SEPSECS: variants seen among roughly 807,000 people sequenced by gnomAD.
SEPSECS encodes O-phosphoseryl-tRNA(Sec) selenium transferase.
SEPSECS carries 42 observed loss-of-function variants against 52.1 expected under a neutral mutation model. The observed-to-expected ratio is 0.81, with a 90% CI of 0.63 to 1.04. The LOEUF is 1.04. SEPSECS is among the 50% of genes least tolerant of loss of function. The probability of loss-of-function intolerance (pLI) is 0.00; values close to 1 mark genes in which losing one functional copy is unlikely to be tolerated. For synonymous variants in SEPSECS, 216 were observed against 211.4 expected (o/e 1.02, Z -0.19); for missense variants, 590 against 610.6 (o/e 0.97, Z 0.36).
intron 8 of SEPSECS, among the ~76,000 whole-genome samples, chr4:25,144,068 T>G (rs1043277420): frequency 2.6e-5 from 4 of 151,928 alleles, no homozygotes; most frequent in Admixed American, 2.6e-4. Flanking sequence ...AGGCCAGGCG[T>G]GGTGGGTAAC....
At chr4:25,127,793 C>T (rs1192101880) in intron 8 of SEPSECS, among the ~76,000 whole-genome samples, 1 of 152,202 alleles carries the variant, frequency 6.6e-6, no homozygotes, top group Non-Finnish European at 1.5e-5. Context: ...CCCCTGATGA[C>T]TTCCTCCAGT....
chr4:25,133,552 T>G (rs540422470), intron 8 of SEPSECS, among the ~76,000 whole-genome samples: 32 of 152,164 alleles, frequency 2.1e-4, no homozygotes, highest in African/African-American at 7.0e-4. Context: ...CTACAAGTAG[T>G]CAAAAATCTT....
chr4:25,134,637 TCA>T (rs1264860226), intron 8 of SEPSECS, among the ~76,000 whole-genome samples: 6 of 152,148 alleles, frequency 3.9e-5, no homozygotes, highest in Non-Finnish European at 5.9e-5. Flanking sequence ...ACTCAAACTC[TCA>T]GTTTAATTTG....
In SEPSECS at chr4:25,156,963, C is replaced by T; in HGVS notation, c.281G>A (p.Gly94Asp). The change falls in exon 3 of 11, where the codon GGC becomes GAC. Residue 94 changes from glycine (G) to aspartate (D), a missense_variant. Transcript: ENST00000382103. Reference sequence around the variant, plus strand: ...AGAAATATCACCGGATCGTCCAATGCCATGAATGAACCTAAGCAAAAAATG... The same window carrying T: ...AGAAATATCACCGGATCGTCCAATGTCATGAATGAACCTAAGCAAAAAATG... The part of the protein sequence containing the change: ...VARRHYRFIH[G>D]IGRSGDISAV... 1 of 1,606,648 alleles carries T rather than the reference C, an allele frequency of 6.2e-7. No homozygotes were observed. The highest frequency in any genetic ancestry group is 8.5e-7 in the Non-Finnish European group (1 of 1,173,340).
In SEPSECS at chr4:25,122,063, T is replaced by C. The variant is rs765240402; in HGVS notation, c.*1868A>G. The C allele has an allele frequency of 6.6e-6, 1 of 152,142 alleles. No homozygotes were observed. The highest frequency in any genetic ancestry group is 1.5e-5 in the Non-Finnish European group (1 of 67,988). 9.4% of individuals were successfully genotyped at this position (152,142 alleles called of 1,614,324 possible). On this transcript the variant is annotated 3_prime_UTR_variant, in exon 11 of 11. Coordinates refer to ENST00000382103, the MANE Select transcript of SEPSECS (RefSeq NM_016955.4). ...GGTTGCAACTCTTCAGCTTTATTGG[T>C]TCAGCAATTTAGTCCCAAATTCTCA... is the stretch of plus-strand genomic sequence containing the variant.
At position 25,123,200 on chromosome 4, in the gene SEPSECS, T is replaced by A. The variant is rs936848406; in HGVS notation, c.*731A>T. 1 of 152,274 alleles carries A rather than the reference T, an allele frequency of 6.6e-6. No homozygotes were observed. Among genetic ancestry groups the A allele is most frequent in the African/African-American group, 2.4e-5 (1 of 41,466 alleles). The allele number at this position is 152,274 out of a possible 1,614,324, so 9.4% of individuals were successfully genotyped here. A position where few individuals can be genotyped will look rare whatever the true frequency, so the allele number is the denominator to read the frequency against. On this transcript the variant is annotated 3_prime_UTR_variant, in exon 11 of 11. Transcript: ENST00000382103. ...GAAAGTTGCTATGGTAAACTTCTCT[T>A]TACTCAAGGAGTTTATCTACTTTAG... is the stretch of plus-strand genomic sequence containing the variant.
At chr4:25,131,443 T>C (rs6824406) in intron 8 of SEPSECS, among the ~76,000 whole-genome samples, 149,754 of 152,340 alleles carry the variant, frequency 0.98, 73,609 homozygotes, top group Admixed American at 0.99. Context: ...TAGGTAAATA[T>C]TGAAGCAGAC....
At chr4:25,156,784 TAAATG>T in intron 3 of SEPSECS, 67 bp downstream of exon 3, 1 of 545,758 alleles carries the variant, frequency 1.8e-6, no homozygotes, top group Middle Eastern at 3.3e-4. Context: ...GGGGCAATAA[TAAATG>T]AAATGAGTCA....
chr4:25,138,972 T>C (rs1231772889), intron 8 of SEPSECS, among the ~76,000 whole-genome samples: 2 of 152,222 alleles, frequency 1.3e-5, no homozygotes, highest in Non-Finnish European at 2.9e-5. Context: ...CACCCTTTCA[T>C]AGTTCCACAG....
In SEPSECS at chr4:25,120,838, C is replaced by T. The variant is rs371492244; in HGVS notation, c.*3093G>A. ...GAAATATAACTCTCAGGATGAACTACTAATTCAATATTAAAGTAACATCAG... is the reference window on the plus strand; with the variant it reads ...GAAATATAACTCTCAGGATGAACTATTAATTCAATATTAAAGTAACATCAG... On this transcript the variant is annotated 3_prime_UTR_variant, in exon 11 of 11. Transcript: ENST00000382103. 6.6e-6 allele frequency: 1 copy of T among 152,036 alleles called. No individual in the cohort carries two copies. Among genetic ancestry groups the T allele is most frequent in the Non-Finnish European group, 1.5e-5 (1 of 67,966 alleles). The allele number at this position is 152,036 out of a possible 1,614,324, so 9.4% of individuals were successfully genotyped here.
Position 25,121,601 on chromosome 4 carries a change from G to C in SEPSECS, c.*2330C>G, listed in dbSNP as rs1214001892. On this transcript the variant is annotated 3_prime_UTR_variant, in exon 11 of 11. Coordinates refer to ENST00000382103, the MANE Select transcript of SEPSECS (RefSeq NM_016955.4). Reference sequence around the variant, plus strand: ...TGAGTGAAAATGACACTAGGGTGGGGACAAAGGAAAGCCTGAATAGACAGA... The same window carrying C: ...TGAGTGAAAATGACACTAGGGTGGGCACAAAGGAAAGCCTGAATAGACAGA... 6.6e-6 allele frequency: 1 copy of C among 152,224 alleles called. No individual in the cohort carries two copies. The highest frequency in any genetic ancestry group is 2.4e-5 in the African/African-American group (1 of 41,560). The allele number at this position is 152,224 out of a possible 1,614,324, so 9.4% of individuals were successfully genotyped here.
chr4:25,124,485 C>A (rs1280929083), intron 10 of SEPSECS, among the ~76,000 whole-genome samples: 1 of 152,104 alleles, frequency 6.6e-6, no homozygotes, highest in East Asian at 1.9e-4. Context: ...CTCTAGGAAT[C>A]TCTTTTGATT....
In SEPSECS at chr4:25,157,118, T is replaced by C. The variant is rs575905797; in HGVS notation, c.270-144A>G. The C allele has an allele frequency of 6.1e-4, 428 of 697,070 alleles. 9 individuals carry two copies. The highest frequency in any genetic ancestry group is 6.1e-3 in the South Asian group (419 of 68,292). The allele number at this position is 697,070 out of a possible 1,614,324, so 43.2% of individuals were successfully genotyped here. On this transcript the variant is annotated intron_variant, in intron 2 of 10. Coordinates refer to ENST00000382103, the MANE Select transcript of SEPSECS (RefSeq NM_016955.4). ...GATATATGTCACAAACTATTAATGATGTGGAACTCTCCTACTTAAATTGAA... is the reference window on the plus strand; with the variant it reads ...GATATATGTCACAAACTATTAATGACGTGGAACTCTCCTACTTAAATTGAA...
At chr4:25,126,009 C>T (rs1560320649) in intron 9 of SEPSECS, among the ~76,000 whole-genome samples, 1 of 151,966 alleles carries the variant, frequency 6.6e-6, no homozygotes, top group Non-Finnish European at 1.5e-5. Flanking sequence ...CCAATATCAG[C>T]CTTCAGGAGA....
chr4:25,123,766 A>G lies in SEPSECS; in HGVS notation c.*165T>C. On this transcript the variant is annotated 3_prime_UTR_variant, in exon 11 of 11. Transcript: ENST00000382103. ...AGGATTGATGCAGTCTAAGAATGGG[A>G]AACTTAACAATCATCAATGGCTAGT... 1.6e-6 allele frequency: 1 copy of G among 625,988 alleles called. No individual in the cohort carries two copies. Among genetic ancestry groups the G allele is most frequent in the South Asian group, 1.9e-5 (1 of 52,720 alleles). 38.8% of individuals were successfully genotyped at this position (625,988 alleles called of 1,614,324 possible). A position where few individuals can be genotyped will look rare whatever the true frequency, so the allele number is the denominator to read the frequency against.
At chr4:25,150,151 G>A (rs1366078061) in intron 6 of SEPSECS, among the ~76,000 whole-genome samples, 1 of 152,012 alleles carries the variant, frequency 6.6e-6, no homozygotes, top group African/African-American at 2.4e-5. Flanking sequence ...TAATATAAAA[G>A]ACAAAAAATG....
intron 6 of SEPSECS, among the ~76,000 whole-genome samples, chr4:25,148,513 A>G (rs1712121026): frequency 6.6e-6 from 1 of 152,168 alleles, no homozygotes; most frequent in South Asian, 2.1e-4. Flanking sequence ...AACAAGACTC[A>G]AGTATTCATT....
In SEPSECS at chr4:25,127,321, A is replaced by G. The variant is rs1166010521; in HGVS notation, c.1063T>C (p.Leu355=). The change falls in exon 9 of 11, where the codon TTG becomes CTG. Residue 355 remains leucine, a synonymous_variant. Coordinates refer to ENST00000382103, the MANE Select transcript of SEPSECS (RefSeq NM_016955.4). ...FSYLSNQIKK[L]SEAYNERLLH... is the part of the protein sequence containing the mutation. ...AGTCTTTCATTGTAGGCTTCTGACA[A>G]CTTCTTTATTTGGTTGGACAAATAT... 2 of 1,613,344 alleles carry G rather than the reference A, an allele frequency of 1.2e-6. No homozygotes were observed. Among genetic ancestry groups the G allele is most frequent in the South Asian group, 1.1e-5 (1 of 91,086 alleles).
At chr4:25,126,991 G>T (rs1728400372) in intron 9 of SEPSECS, among the ~76,000 whole-genome samples, 1 of 152,060 alleles carries the variant, frequency 6.6e-6, no homozygotes, top group Non-Finnish European at 1.5e-5. Flanking sequence ...ATAGAGTTAT[G>T]GTTAGAAACA....
Sources: allele counts gnomAD v4.1 joint callset (sites outside exome capture counted in the v4.1 genomes callset), GRCh38; gene constraint gnomAD v4.1.1; transcripts MANE v1.5; gene names NCBI Gene and HGNC (gene_info 2026-07-23, HGNC 2026-07-21).